Variants in UBE4B observed in about 807,000 individuals in gnomAD.
UBE4B encodes ubiquitination factor E4B.
UBE4B carries 27 observed loss-of-function variants against 148.1 expected under a neutral mutation model. The observed-to-expected ratio is 0.18, with a 90% CI of 0.13 to 0.25. The LOEUF is 0.25. UBE4B is among the 10% of genes least tolerant of loss of function. The probability of loss-of-function intolerance (pLI) is 1.00; values close to 1 mark genes in which losing one functional copy is unlikely to be tolerated. For synonymous variants in UBE4B, 596 were observed against 619.3 expected, an observed-to-expected ratio of 0.96 and a Z score of 0.56; for missense variants, 1,170 against 1,662.4, an observed-to-expected ratio of 0.70 and a Z score of 5.15.
intron 22 of UBE4B, among the ~76,000 whole-genome samples, chr1:10,159,775 T>C (rs1165955318): frequency 6.6e-6 from 1 of 152,260 alleles, no homozygotes; most frequent in African/African-American, 2.4e-5. Flanking sequence ...TAGCTATACT[T>C]GTTAACCGAA....
At chr1:10,035,635 T>C (rs1643489691) in intron 1 of UBE4B, among the ~76,000 whole-genome samples, 1 of 150,710 alleles carries the variant, frequency 6.6e-6, no homozygotes, top group African/African-American at 2.4e-5. Flanking sequence ...CTCGATTTCC[T>C]GACCTTGTGA....
Position 10,155,662 on chromosome 1 carries a change from A to T in UBE4B, c.2927-2694A>T, listed in dbSNP as rs1646057326. ...CCTCAGATATAAATTAAAAGTTGCC[A>T]CACACAAGATCAGTATGTGGAACAA... On this transcript the variant is annotated intron_variant, in intron 21 of 27. Transcript: ENST00000343090. Among the ~76,000 whole-genome samples, 3 of 152,362 alleles carry T rather than the reference A, an allele frequency of 2.0e-5. 1 individual carries two copies. Among genetic ancestry groups the T allele is most frequent in the Admixed American group, 2.0e-4 (3 of 15,300 alleles).
At chr1:10,121,038 AT>A (rs921801998) in intron 9 of UBE4B, among the ~76,000 whole-genome samples, 4 of 152,022 alleles carry the variant, frequency 2.6e-5, no homozygotes, top group African/African-American at 7.2e-5. Flanking sequence ...CACTACTAAT[AT>A]TTTTTCCCCC....
intron 8 of UBE4B, 105 bp from the exon 9 acceptor site, chr1:10,119,408 A>G: frequency 9.2e-7 from 1 of 1,086,876 alleles, no homozygotes. Flanking sequence ...GGAAGAGGAA[A>G]GCACGCTGTT....
intron 1 of UBE4B, among the ~76,000 whole-genome samples, chr1:10,061,833 G>A (rs1644291903): frequency 6.6e-6 from 1 of 151,990 alleles, no homozygotes; most frequent in African/African-American, 2.4e-5. Context: ...TGATGTTGAG[G>A]AGTGTTGTCA....
chr1:10,148,802 T>C (rs371845377), intron 19 of UBE4B, among the ~76,000 whole-genome samples: 39 of 151,778 alleles, frequency 2.6e-4, no homozygotes, highest in African/African-American at 9.0e-4. Flanking sequence ...TAGCCAGGTA[T>C]GGTGGCACGT....
intron 1 of UBE4B, among the ~76,000 whole-genome samples, chr1:10,071,066 C>T (rs1406274043): frequency 1.3e-5 from 2 of 152,092 alleles, no homozygotes; most frequent in East Asian, 3.8e-4. Flanking sequence ...ATCACCACAC[C>T]TGGCTAATTT....
intron 2 of UBE4B, among the ~76,000 whole-genome samples, chr1:10,093,587 C>A (rs1644882547): frequency 6.6e-6 from 1 of 152,076 alleles, no homozygotes; most frequent in African/African-American, 2.4e-5. Flanking sequence ...TAAAAAGTGG[C>A]AAGTTTACTG....
rs771664464 is a variant in UBE4B at position 10,102,903 on chromosome 1, A to G, written c.436-45A>G. 8.9e-6 allele frequency: 14 copies of G among 1,571,280 alleles called. No homozygotes were observed. The Admixed American group carries it at 2.5e-4, about 28-fold the overall frequency. On this transcript the variant is annotated intron_variant, in intron 4 of 27. Coordinates refer to ENST00000343090, the MANE Select transcript of UBE4B (RefSeq NM_001105562.3). ...GTATTCCTATTGAAACACCTAACTCATACCTCTTATTTGAAATTAACCTGC... is the reference window on the plus strand; with the variant it reads ...GTATTCCTATTGAAACACCTAACTCGTACCTCTTATTTGAAATTAACCTGC...
chr1:10,120,644 C>G (rs1262082607), intron 9 of UBE4B, among the ~76,000 whole-genome samples: 1 of 151,904 alleles, frequency 6.6e-6, no homozygotes, highest in East Asian at 1.9e-4. Flanking sequence ...CATGACCAGC[C>G]TGGGCAACAT....
intron 1 of UBE4B, among the ~76,000 whole-genome samples, chr1:10,059,948 T>A (rs1570800072): frequency 6.6e-6 from 1 of 152,206 alleles, no homozygotes; most frequent in South Asian, 2.1e-4. Context: ...CTTTGTTTAC[T>A]TGTTTACTAA....
At chr1:10,136,618 A>G (rs182234182) in intron 16 of UBE4B, among the ~76,000 whole-genome samples, 1 of 152,242 alleles carries the variant, frequency 6.6e-6, no homozygotes, top group Non-Finnish European at 1.5e-5. Flanking sequence ...TTATAATTGC[A>G]AAAGTATCCT....
chr1:10,077,194 C>T (rs1644598822), intron 2 of UBE4B, among the ~76,000 whole-genome samples: 2 of 152,096 alleles, frequency 1.3e-5, no homozygotes, highest in African/African-American at 4.8e-5. Context: ...GTTGGTAGGG[C>T]GATGCCTCCC....
At chr1:10,174,641 G>A in intron 25 of UBE4B, among the ~76,000 whole-genome samples, 1 of 150,364 alleles carries the variant, frequency 6.7e-6, no homozygotes, top group African/African-American at 2.5e-5. Context: ...GGTGGAGGTT[G>A]CAGTGAGCCG....
chr1:10,069,447 A>G (rs1644446600), intron 1 of UBE4B, among the ~76,000 whole-genome samples: 1 of 152,352 alleles, frequency 6.6e-6, no homozygotes, highest in Admixed American at 6.5e-5. Context: ...CACACATGTC[A>G]TAGGGCAGAT....
chr1:10,158,173 A>C (rs1348210760), intron 21 of UBE4B, among the ~76,000 whole-genome samples, 183 bp from the exon 22 acceptor site: 1 of 152,126 alleles, frequency 6.6e-6, no homozygotes. Context: ...TTCATTGTGA[A>C]ACTTTTGTCT....
Position 10,106,558 on chromosome 1 carries a change from C to T in UBE4B, c.1171C>T (p.Pro391Ser). The T allele has an allele frequency of 3.2e-6, 5 of 1,582,012 alleles. No homozygotes were observed. The highest frequency in any genetic ancestry group is 4.3e-6 in the Non-Finnish European group (5 of 1,169,386). The change falls in exon 7 of 28, where the codon CCC (proline) becomes TCC (serine). Residue 391 changes from proline (P) to serine (S), a missense_variant. This residue lies in a region of UBE4B where 388 missense variants were observed against 536.0 expected (regional missense o/e 0.72). Transcript: ENST00000343090. This position sits in a 1 kb window ranked among gnomAD's most constrained non-coding sequence, Gnocchi z 4.2. The stretch of plus-strand genomic sequence containing the variant: ...CTCACCCAGTGCCACGAGCAGACGC[C>T]CCTCCTCCCTGAGGATCTCTCCTAG... The part of the protein sequence containing the change: ...PASPSATSRR[P>S]SSLRISPSLG...
rs202235278 is a variant in UBE4B at position 10,161,115 on chromosome 1, C to A, written c.3054-27C>A. On this transcript the variant is annotated intron_variant, in intron 22 of 27. Transcript: ENST00000343090. This position sits in a 1 kb window ranked among gnomAD's most constrained non-coding sequence, Gnocchi z 4.1. ...CATTTTGCTTCAGGGAGATGTATGA[C>A]CATGTACAATATAATTGCCTTTCCA... is the stretch of plus-strand genomic sequence containing the variant. 702 of 1,612,156 alleles carry A rather than the reference C, an allele frequency of 4.4e-4. 5 individuals carry two copies. In the Middle Eastern group the frequency reaches 0.02, roughly 46 times the overall value.
At chr1:10,147,146 T>C in intron 19 of UBE4B, 56 bp downstream of exon 19, 1 of 1,607,598 alleles carries the variant, frequency 6.2e-7, no homozygotes, top group Non-Finnish European at 8.5e-7. Flanking sequence ...TCTGTTGTCT[T>C]TATTGTCCTT....
Sources: gnomAD v4.1 joint callset for allele counts (sites outside exome capture counted in the v4.1 genomes callset) on GRCh38, gnomAD v4.1.1 for gene constraint, gnomAD v4.1.1 regional missense constraint, Gnocchi (gnomAD v3.1) non-coding constraint, MANE v1.5 for transcripts, NCBI Gene and HGNC (gene_info 2026-07-23, HGNC 2026-07-21) for gene names.